The following PTP4A2 variants were observed in gnomAD, a reference collection of about 807,000 sequenced individuals.
PTP4A2 encodes the protein protein tyrosine phosphatase type IVA 2.
A neutral mutation model predicts 22.9 loss-of-function variants in PTP4A2; 2 were observed. The ratio of observed to expected loss-of-function variants is 0.09; its 90% CI spans 0.04 to 0.27. The LOEUF is 0.27. PTP4A2 is among the 10% of genes least tolerant of loss of function. PTP4A2 has a pLI of 1.00. For synonymous variants in PTP4A2, 68 were observed against 69.1 expected, an observed-to-expected ratio of 0.98 and a Z score of 0.08; for missense variants, 103 against 205.1, an observed-to-expected ratio of 0.50 and a Z score of 3.04.
intron 1 of PTP4A2, chr1:31,921,960 CAAT>C (rs1462989352): frequency 1.3e-5 from 2 of 152,226 alleles, no homozygotes; most frequent in East Asian, 3.9e-4. Flanking sequence ...CTAAGAACTT[CAAT>C]AATACTACAG....
intron 4 of PTP4A2, chr1:31,910,423 C>T (rs1273060423): frequency 4.5e-6 from 1 of 222,382 alleles, no homozygotes; most frequent in Non-Finnish European, 9.1e-6. Context: ...TCAAATAGCT[C>T]GGACTATAGG....
Position 31,919,179 on chromosome 1 carries a change from A to T in PTP4A2, c.-114T>A. The T allele has an allele frequency of 1.8e-6, 1 of 552,494 alleles. No homozygotes were observed. The highest frequency in any genetic ancestry group is 2.1e-5 in the South Asian group (1 of 46,934). 34.2% of individuals were successfully genotyped at this position (552,494 alleles called of 1,614,324 possible). On this transcript the variant is annotated 5_prime_UTR_variant, in exon 2 of 6. Transcript: ENST00000647444. Reference sequence around the variant, plus strand: ...AGAAAACATTAAAAAGACCACTAAAATGCCTATTATCAATCAGTGTTTTCT... The same window carrying T: ...AGAAAACATTAAAAAGACCACTAAATTGCCTATTATCAATCAGTGTTTTCT...
intron 1 of PTP4A2, 26 bp from the exon 2 acceptor site, chr1:31,919,684 T>C (rs1652037454): frequency 1.3e-5 from 2 of 152,540 alleles, no homozygotes. Context: ...ATAAGTAAAA[T>C]GAACTAGAGG....
At chr1:31,922,633 T>C (rs1367270508) in intron 1 of PTP4A2, among the ~76,000 whole-genome samples, 3 of 137,356 alleles carry the variant, frequency 2.2e-5, no homozygotes, top group African/African-American at 3.1e-5. Context: ...TTTCTTTCTT[T>C]CTTTTATTTA....
At chr1:31,927,283 A>G (rs1652508048) in intron 1 of PTP4A2, among the ~76,000 whole-genome samples, 1 of 152,228 alleles carries the variant, frequency 6.6e-6, no homozygotes, top group Non-Finnish European at 1.5e-5. Flanking sequence ...GTTCTCACTT[A>G]TAAGTGGGAG....
Position 31,910,045 on chromosome 1 carries a change from T to C in PTP4A2, c.388A>G (p.Ile130Val). The part of the protein sequence containing the change: ...GMKYEDAVQF[I>V]RQKRRGAFNS... Reference sequence around the variant, plus strand: ...CAAAAACTTCATACTCACTGTCTTATAAACTGAACTGCATCTTCGTACTTC... The same window carrying C: ...CAAAAACTTCATACTCACTGTCTTACAAACTGAACTGCATCTTCGTACTTC... The change falls in exon 5 of 6, where the codon ATA becomes GTA. Residue 130 changes from isoleucine to valine, a missense_variant. Physicochemically the swap from Ile to Val is conservative, Grantham distance 29 (BLOSUM62 3). Transcript: ENST00000647444. The C allele has an allele frequency of 6.2e-7, 1 of 1,611,632 alleles. No individual in the cohort carries two copies.
At chr1:31,912,021 C>CCTT (rs1651560580) in intron 3 of PTP4A2, among the ~76,000 whole-genome samples, 195 bp from the exon 4 acceptor site, 1 of 152,116 alleles carries the variant, frequency 6.6e-6, no homozygotes, top group Non-Finnish European at 1.5e-5. Flanking sequence ...AATAAATTAC[C>CCTT]CTTCTCAATG....
At chr1:31,918,643 C>T (rs533971798) in intron 2 of PTP4A2, among the ~76,000 whole-genome samples, 5 of 152,238 alleles carry the variant, frequency 3.3e-5, no homozygotes, top group African/African-American at 1.2e-4. Flanking sequence ...AAACACTGCT[C>T]GTTGCATAAT....
chr1:31,917,991 C>T (rs2124184013), intron 2 of PTP4A2, among the ~76,000 whole-genome samples: 1 of 148,262 alleles, frequency 6.7e-6, no homozygotes, highest in South Asian at 2.1e-4. Context: ...TGGCTCATGC[C>T]TGTAATCCCA....
Position 31,923,394 on chromosome 1 carries a change from G to C in PTP4A2, c.-593-3736C>G, listed in dbSNP as rs1180217658. 2.0e-5 allele frequency among the ~76,000 whole-genome samples: 3 copies of C among 146,412 alleles called. No individual in the cohort carries two copies. The East Asian group carries it at 6.1e-4, about 30-fold the overall frequency. On this transcript the variant is annotated intron_variant, in intron 1 of 5. Coordinates refer to ENST00000647444, the MANE Select transcript of PTP4A2 (RefSeq NM_080391.4). ...CTGTCGCCCAGGCTGGAGTGCAGTG[G>C]CGCGATCTCGGCTCACTGCAAGCTC...
chr1:31,917,103 T>C (rs540211545), intron 2 of PTP4A2, among the ~76,000 whole-genome samples: 22 of 152,242 alleles, frequency 1.4e-4, no homozygotes, highest in Non-Finnish European at 3.1e-4. Flanking sequence ...TTTTTTATAG[T>C]TGCAGGAGGA....
At chr1:31,937,557 C>G (rs1042393521) in intron 1 of PTP4A2, among the ~76,000 whole-genome samples, 2 of 151,520 alleles carry the variant, frequency 1.3e-5, no homozygotes, top group African/African-American at 2.4e-5. Flanking sequence ...CACTCACCCG[C>G]TCTTTACCAC....
chr1:31,929,921 G>GGAA (rs1652644211), intron 1 of PTP4A2, among the ~76,000 whole-genome samples: 1 of 152,226 alleles, frequency 6.6e-6, no homozygotes. Flanking sequence ...ACAGCTGCAA[G>GGAA]TTCCCTGAGG....
intron 5 of PTP4A2, 78 bp downstream of exon 5, chr1:31,909,960 T>A: frequency 7.7e-7 from 1 of 1,307,168 alleles, no homozygotes. Flanking sequence ...ATACTATAAA[T>A]GAATATCCCT....
At position 31,907,249 on chromosome 1, in the gene PTP4A2, C is replaced by T. The variant is rs1416673746; in HGVS notation, c.*1603G>A. The stretch of plus-strand genomic sequence containing the variant: ...GACAAGATGACTTTAAGCCCGTATT[C>T]AGAGCCCTAGAAGCAGGGCACTACT... On this transcript the variant is annotated 3_prime_UTR_variant, in exon 6 of 6. Transcript: ENST00000647444. 6.6e-6 allele frequency: 1 copy of T among 152,172 alleles called. No homozygotes were observed. The highest frequency in any genetic ancestry group is 1.9e-4 in the East Asian group (1 of 5,200). 9.4% of individuals were successfully genotyped at this position (152,172 alleles called of 1,614,324 possible).
At chr1:31,922,626 CT>C (rs1569619005) in intron 1 of PTP4A2, among the ~76,000 whole-genome samples, 1 of 105,408 alleles carries the variant, frequency 9.5e-6, no homozygotes, top group South Asian at 3.8e-4. Flanking sequence ...TTCTTTCTTT[CT>C]TTCTTTCTTT....
intron 2 of PTP4A2, 106 bp from the exon 3 acceptor site, chr1:31,916,093 C>A (rs1569593085): frequency 1.5e-6 from 1 of 685,286 alleles, no homozygotes; most frequent in Non-Finnish European, 2.4e-6. Context: ...CGCCTATAAT[C>A]CCAGCACTTT....
chr1:31,922,232 T>A (rs1217813258), intron 1 of PTP4A2, among the ~76,000 whole-genome samples: 1 of 152,186 alleles, frequency 6.6e-6, no homozygotes, highest in Non-Finnish European at 1.5e-5. Context: ...CGCCTGTATC[T>A]CAGCACTTTG....
intron 1 of PTP4A2, among the ~76,000 whole-genome samples, chr1:31,925,490 C>T (rs1244808763): frequency 1.3e-5 from 2 of 152,324 alleles, no homozygotes; most frequent in Admixed American, 1.3e-4. Flanking sequence ...CGCCGTGGCT[C>T]ACGCCTATAA....
Sources: gnomAD v4.1 joint callset for allele counts (sites outside exome capture counted in the v4.1 genomes callset) on GRCh38, gnomAD v4.1.1 for gene constraint, MANE v1.5 for transcripts, NCBI Gene and HGNC (gene_info 2026-07-23, HGNC 2026-07-21) for gene names.